NEURL1: variants seen among roughly 807,000 people sequenced by gnomAD.
NEURL1 encodes E3 ubiquitin-protein ligase NEURL1.
A neutral mutation model predicts 41.2 loss-of-function variants in NEURL1; 26 were observed. The observed-to-expected ratio is 0.63, with a 90% CI of 0.46 to 0.87. NEURL1 has a LOEUF of 0.87. Among genes scored for constraint, NEURL1 ranks in the 40% least tolerant of loss-of-function variants. The probability of loss-of-function intolerance (pLI) is 0.00; values close to 1 mark genes in which losing one functional copy is unlikely to be tolerated. For missense variants in NEURL1, 761 were observed against 871.1 expected, an observed-to-expected ratio of 0.87 and a Z score of 1.59; for synonymous variants, 400 against 402.3, an observed-to-expected ratio of 0.99 and a Z score of 0.07.
At chr10:103,577,696 T>C (rs1378447080) in intron 3 of NEURL1, 3 of 152,234 alleles carry the variant, frequency 2.0e-5, no homozygotes, top group Admixed American at 6.5e-5. Flanking sequence ...CAACTGCACA[T>C]GTTGGGCACA....
chr10:103,532,666 A>G (rs1341074658), intron 1 of NEURL1, among the ~76,000 whole-genome samples: 1 of 151,780 alleles, frequency 6.6e-6, no homozygotes, highest in Non-Finnish European at 1.5e-5. Flanking sequence ...ATGTGACTCA[A>G]TGCTTTTCTC....
At position 103,566,351 on chromosome 10, in the gene NEURL1, G is replaced by A. The variant is rs1592228044; in HGVS notation, c.86-4521G>A. On this transcript the variant is annotated intron_variant, in intron 1 of 5. Coordinates refer to ENST00000369780, the MANE Select transcript of NEURL1 (RefSeq NM_004210.5). This position sits in a 1 kb window ranked among gnomAD's most constrained non-coding sequence, Gnocchi z 4.2. ...CTATCGCCATAAAAACTTCCTTCCTGCCTCTTTGTAGTCAAATCTCTCCCC... is the reference window on the plus strand; with the variant it reads ...CTATCGCCATAAAAACTTCCTTCCTACCTCTTTGTAGTCAAATCTCTCCCC... Among the ~76,000 whole-genome samples, 1 of 152,042 alleles carries A rather than the reference G, an allele frequency of 6.6e-6. No homozygotes were observed. The highest frequency in any genetic ancestry group is 6.6e-5 in the Admixed American group (1 of 15,254).
chr10:103,516,226 T>TAAAA (rs2034202482), intron 1 of NEURL1, among the ~76,000 whole-genome samples: 1 of 51,140 alleles, frequency 2.0e-5, no homozygotes, highest in African/African-American at 8.5e-5. Flanking sequence ...AGACCCCATC[T>TAAAA]CAAAAAAAAA....
chr10:103,580,249 A>C (rs1564830708), intron 3 of NEURL1, among the ~76,000 whole-genome samples: 1 of 152,202 alleles, frequency 6.6e-6, no homozygotes, highest in African/African-American at 2.4e-5. Context: ...TTCCTGAATG[A>C]TGGGACATGC....
intron 1 of NEURL1, among the ~76,000 whole-genome samples, chr10:103,546,388 A>G (rs908068521): frequency 6.6e-6 from 1 of 152,188 alleles, no homozygotes; most frequent in African/African-American, 2.4e-5. Flanking sequence ...CTCTTTCTGT[A>G]CAAAGGGATG....
intron 1 of NEURL1, among the ~76,000 whole-genome samples, chr10:103,506,603 A>C (rs1358955492): frequency 2.0e-5 from 3 of 148,366 alleles, no homozygotes; most frequent in African/African-American, 7.5e-5. Context: ...TCTGTCGCCC[A>C]GGCTGGAGTA....
intron 1 of NEURL1, among the ~76,000 whole-genome samples, chr10:103,504,352 C>A (rs1321687687): frequency 1.3e-5 from 2 of 152,132 alleles, no homozygotes; most frequent in Non-Finnish European, 2.9e-5. Context: ...ACTTTCCTTG[C>A]TTTTGATGAC....
chr10:103,564,111 C>T (rs919695093), intron 1 of NEURL1, among the ~76,000 whole-genome samples: 7 of 152,122 alleles, frequency 4.6e-5, no homozygotes, highest in East Asian at 1.9e-4. Flanking sequence ...GAGGTCACTC[C>T]GGAGGGTATG....
chr10:103,572,566 T>C (rs1382880327), intron 3 of NEURL1, among the ~76,000 whole-genome samples: 1 of 152,182 alleles, frequency 6.6e-6, no homozygotes, highest in Admixed American at 6.5e-5. Flanking sequence ...CAGGCTTCCC[T>C]GCAATGGCAC....
chr10:103,575,436 T>A (rs550131363), intron 3 of NEURL1, among the ~76,000 whole-genome samples: 79 of 152,316 alleles, frequency 5.2e-4, no homozygotes, highest in African/African-American at 1.9e-3. Flanking sequence ...GCCCCCTTTG[T>A]CTGAAGCCTG....
intron 1 of NEURL1, chr10:103,555,247 G>T (rs1458663969): frequency 1.0e-6 from 1 of 975,138 alleles, no homozygotes; most frequent in Non-Finnish European, 1.2e-6. Context: ...CGCGGGAGGG[G>T]CCTCGGCCCT....
intron 1 of NEURL1, among the ~76,000 whole-genome samples, chr10:103,533,543 A>ATT (rs1245619011): frequency 8.5e-6 from 1 of 117,010 alleles, no homozygotes; most frequent in African/African-American, 3.2e-5. Flanking sequence ...CTAATTTTGT[A>ATT]TTTTTTTTTT....
intron 1 of NEURL1, among the ~76,000 whole-genome samples, chr10:103,504,224 C>T (rs2033895530): frequency 6.6e-6 from 1 of 152,110 alleles, no homozygotes; most frequent in South Asian, 2.1e-4. Flanking sequence ...AACCCCTGAA[C>T]TTGTGATCTG....
intron 3 of NEURL1, 108 bp from the exon 4 acceptor site, chr10:103,584,428 T>G: frequency 1.8e-6 from 1 of 558,516 alleles, no homozygotes; most frequent in Non-Finnish European, 2.7e-6. Flanking sequence ...GTGTGCGCCA[T>G]TAGCCATCCG....
intron 3 of NEURL1, among the ~76,000 whole-genome samples, chr10:103,583,177 A>G (rs2035819892): frequency 6.6e-6 from 1 of 152,212 alleles, no homozygotes; most frequent in Non-Finnish European, 1.5e-5. Flanking sequence ...ATAAGATGGA[A>G]GGAGCCCAGG....
Position 103,553,479 on chromosome 10 carries a change from C to T in NEURL1, c.86-17393C>T, listed in dbSNP as rs138820704. The stretch of plus-strand genomic sequence containing the variant: ...GAAAGTGGGCTGCCTTGTGCGGACT[C>T]GGGTGTCGTGGCTTCTCCCGGAAGT... On this transcript the variant is annotated intron_variant, in intron 1 of 5. Transcript: ENST00000369780. 5.2e-3 allele frequency among the ~76,000 whole-genome samples: 786 copies of T among 151,430 alleles called. 6 individuals are homozygous for T. Among genetic ancestry groups the T allele is most frequent in the African/African-American group, 0.018 (735 of 41,262 alleles).
intron 1 of NEURL1, chr10:103,512,026 C>A (rs2034083906): frequency 6.6e-6 from 1 of 152,194 alleles, no homozygotes; most frequent in African/African-American, 2.4e-5. Context: ...AAGATGGAAC[C>A]ATTGCTTCAT....
At chr10:103,494,506 G>A (rs2033634407) in intron 1 of NEURL1, 34 bp downstream of exon 1, 1 of 1,513,132 alleles carries the variant, frequency 6.6e-7, no homozygotes, top group African/African-American at 1.4e-5. Context: ...CTGGAGGACT[G>A]GGGCGCAGGT....
chr10:103,494,448 C>G lies in NEURL1; in HGVS notation c.61C>G (p.Arg21Gly). Residue 21 changes from arginine to glycine, a missense_variant, in exon 1 of 6, where the codon CGG becomes GGG. By Grantham distance (125) the Arg-to-Gly change is moderately radical. Around this residue, in one of 5 missense-constraint regions of NEURL1, gnomAD observed 94 missense variants for 96.6 expected, o/e 0.97. Coordinates refer to ENST00000369780, the MANE Select transcript of NEURL1 (RefSeq NM_004210.5). ...CCGAGGAAACCCGAGCCGCGCGCCG[C>G]GGGGCCACCCCCAGAACCTCAAAGG... is the stretch of plus-strand genomic sequence containing the variant. Reference protein sequence around the residue: ...LPRGNPSRAPRGHPQNLKDSI... With the variant: ...LPRGNPSRAPGGHPQNLKDSI... The G allele has an allele frequency of 6.3e-7, 1 of 1,595,464 alleles. No individual in the cohort carries two copies. Among genetic ancestry groups the G allele is most frequent in the Non-Finnish European group, 8.5e-7 (1 of 1,171,346 alleles).
Sources: gnomAD v4.1 joint callset for allele counts (sites outside exome capture counted in the v4.1 genomes callset) on GRCh38, gnomAD v4.1.1 for gene constraint, gnomAD v4.1.1 regional missense constraint, Gnocchi (gnomAD v3.1) non-coding constraint, MANE v1.5 for transcripts, NCBI Gene and HGNC (gene_info 2026-07-23, HGNC 2026-07-21) for gene names.